Variants in SMARCC1 observed in about 807,000 individuals in gnomAD.
The protein encoded by SMARCC1 is SWI/SNF complex subunit SMARCC1.
A neutral mutation model predicts 147.4 loss-of-function variants in SMARCC1; 43 were observed. The observed-to-expected ratio is 0.29, with a 90% confidence interval of 0.23 to 0.38. The LOEUF is 0.38. SMARCC1 is among the 10% of genes least tolerant of loss of function. SMARCC1 has a pLI of 1.00. For missense variants in SMARCC1, 1,119 were observed against 1,381.1 expected, an observed-to-expected ratio of 0.81 and a Z score of 3.01; for synonymous variants, 495 against 484.4, an observed-to-expected ratio of 1.02 and a Z score of -0.29.
rs139993209 is a variant in SMARCC1, at chr3:47,619,865, A to G, written c.2781+2342T>C. ...TTGGGGCCAGCTGGTCTTAGGACAAAATGGATATGGGCTATGGTGACAGGT... is the reference window on the plus strand; with the variant it reads ...TTGGGGCCAGCTGGTCTTAGGACAAGATGGATATGGGCTATGGTGACAGGT... On this transcript the variant is annotated intron_variant, in intron 25 of 27. Transcript: ENST00000254480. Among the ~76,000 whole-genome samples, 206 of 152,302 alleles carry G rather than the reference A, an allele frequency of 1.4e-3. 1 individual carries two copies. The highest frequency in any genetic ancestry group is 4.7e-3 in the African/African-American group (194 of 41,570).
chr3:47,729,947 G>A (rs181677919), intron 5 of SMARCC1, among the ~76,000 whole-genome samples: 73 of 152,284 alleles, frequency 4.8e-4, no homozygotes, highest in African/African-American at 1.8e-3. Context: ...CAATTTGGGA[G>A]CCAGGTGGAT....
chr3:47,706,841 T>A (rs1261828389), intron 9 of SMARCC1, among the ~76,000 whole-genome samples: 1 of 152,192 alleles, frequency 6.6e-6, no homozygotes, highest in Non-Finnish European at 1.5e-5. Context: ...GAGAATTGTA[T>A]TTCAATAACT....
intron 7 of SMARCC1, among the ~76,000 whole-genome samples, chr3:47,717,266 C>CT (rs2034166759): frequency 6.6e-6 from 1 of 152,138 alleles, no homozygotes; most frequent in Admixed American, 6.6e-5. Context: ...TTAGATCCGG[C>CT]TACCAATTTA....
At chr3:47,675,945 A>C (rs1158663758) in intron 17 of SMARCC1, among the ~76,000 whole-genome samples, 3 of 137,338 alleles carry the variant, frequency 2.2e-5, no homozygotes, top group Non-Finnish European at 4.7e-5. Flanking sequence ...ATTCCGTCTC[A>C]AAAAAAAAAA....
At chr3:47,624,130 A>C (rs1030727358) in intron 24 of SMARCC1, among the ~76,000 whole-genome samples, 1 of 151,988 alleles carries the variant, frequency 6.6e-6, no homozygotes, top group Non-Finnish European at 1.5e-5. Flanking sequence ...GTCTCTACTA[A>C]AAATTAAAAA....
chr3:47,649,399 T>C (rs2033158451), intron 21 of SMARCC1, among the ~76,000 whole-genome samples: 1 of 152,220 alleles, frequency 6.6e-6, no homozygotes, highest in Non-Finnish European at 1.5e-5. Flanking sequence ...GTATTATTTA[T>C]TTCAGGATTA....
intron 8 of SMARCC1, among the ~76,000 whole-genome samples, chr3:47,711,920 T>C (rs2106799358): frequency 6.6e-6 from 1 of 152,216 alleles, no homozygotes; most frequent in East Asian, 1.9e-4. Flanking sequence ...AACAGAGCAG[T>C]ATAAATAGAG....
intron 2 of SMARCC1, among the ~76,000 whole-genome samples, chr3:47,763,954 A>C (rs938199770): frequency 2.0e-5 from 3 of 151,568 alleles, no homozygotes; most frequent in Non-Finnish European, 4.4e-5. Flanking sequence ...CCTGGGCTCA[A>C]GGACTCCTCT....
At chr3:47,621,953 A>C (rs1559627562) in intron 25 of SMARCC1, among the ~76,000 whole-genome samples, 1 of 152,194 alleles carries the variant, frequency 6.6e-6, no homozygotes, top group Non-Finnish European at 1.5e-5. Context: ...TAATATCATC[A>C]TGTATCTTCA....
chr3:47,589,850 C>G (rs749613922), intron 27 of SMARCC1, among the ~76,000 whole-genome samples: 4 of 152,212 alleles, frequency 2.6e-5, no homozygotes, highest in Non-Finnish European at 5.9e-5. Flanking sequence ...AATTCTTATG[C>G]TTCCTATCTC....
At chr3:47,679,382 A>G (rs959610782) in intron 15 of SMARCC1, among the ~76,000 whole-genome samples, 3 of 152,194 alleles carry the variant, frequency 2.0e-5, no homozygotes, top group South Asian at 2.1e-4. Flanking sequence ...CTTCCTTCCA[A>G]TAAGAGTTTT....
At chr3:47,595,306 C>T (rs1456618781) in intron 26 of SMARCC1, among the ~76,000 whole-genome samples, 1 of 152,118 alleles carries the variant, frequency 6.6e-6, no homozygotes, top group Non-Finnish European at 1.5e-5. Flanking sequence ...GGCGAGATCA[C>T]CTGAGGTCAG....
At chr3:47,693,379 G>T in intron 11 of SMARCC1, 79 bp from the exon 12 acceptor site, 1 of 805,994 alleles carries the variant, frequency 1.2e-6, no homozygotes, top group Non-Finnish European at 2.1e-6. Context: ...AATAGGACAT[G>T]ATTAAACGAC....
At chr3:47,686,205 G>T in intron 13 of SMARCC1, 35 bp from the exon 14 acceptor site, 1 of 1,562,568 alleles carries the variant, frequency 6.4e-7, no homozygotes, top group Non-Finnish European at 8.8e-7. Context: ...AAGAAAGAAA[G>T]AACTACAGAG....
chr3:47,706,643 A>G, intron 9 of SMARCC1, 113 bp from the exon 10 acceptor site: 1 of 954,936 alleles, frequency 1.0e-6, no homozygotes, highest in East Asian at 3.3e-5. Flanking sequence ...TCCTTAGTTC[A>G]GAGCAAATAA....
At chr3:47,588,860 A>G (rs919613794) in intron 27 of SMARCC1, among the ~76,000 whole-genome samples, 1 of 152,078 alleles carries the variant, frequency 6.6e-6, no homozygotes, top group Non-Finnish European at 1.5e-5. Context: ...CAGCTCCTGA[A>G]CTGCAGTCCT....
At chr3:47,694,662 T>C (rs1000893906) in intron 11 of SMARCC1, among the ~76,000 whole-genome samples, 4 of 152,184 alleles carry the variant, frequency 2.6e-5, no homozygotes, top group African/African-American at 9.7e-5. Context: ...AATTTACACT[T>C]TCATCAACAG....
chr3:47,712,780 A>G (rs1280908689), intron 8 of SMARCC1, among the ~76,000 whole-genome samples: 1 of 152,160 alleles, frequency 6.6e-6, no homozygotes, highest in Non-Finnish European at 1.5e-5. Flanking sequence ...TGTCAAAATA[A>G]TACAAAAGTC....
chr3:47,713,318 A>AAAATAAATAAAT lies in SMARCC1; in HGVS notation c.792+1085_792+1096dup, dbSNP rs144722768. On this transcript the variant is annotated intron_variant, in intron 8 of 27. Transcript: ENST00000254480. ...GGGCGACAGAGCCAGACTCCGTCTCAAAATAAATAAATAAATAAATAAATA... is the reference window on the plus strand; with the variant it reads ...GGGCGACAGAGCCAGACTCCGTCTCAAAATAAATAAATAAATAAATAAATAAATAAATAAATA... Among the ~76,000 whole-genome samples, 511 of 146,710 alleles carry AAAATAAATAAAT rather than the reference A, an allele frequency of 3.5e-3. 4 individuals carry two copies. Among genetic ancestry groups the AAAATAAATAAAT allele is most frequent in the African/African-American group, 0.012 (474 of 39,310 alleles).
Sources: allele counts gnomAD v4.1 joint callset (sites outside exome capture counted in the v4.1 genomes callset), GRCh38; gene constraint gnomAD v4.1.1; transcripts MANE v1.5; gene names NCBI Gene and HGNC (gene_info 2026-07-23, HGNC 2026-07-21).